ARHGAP24: variants seen among roughly 807,000 people sequenced by gnomAD.
ARHGAP24 encodes the protein Rho GTPase activating protein 24.
A neutral mutation model predicts 76.4 loss-of-function variants in ARHGAP24; 50 were observed. The ratio of observed to expected loss-of-function variants is 0.65; its 90% confidence interval spans 0.52 to 0.83. ARHGAP24 has a LOEUF of 0.83. Among genes scored for constraint, ARHGAP24 ranks in the 40% least tolerant of loss-of-function variants. The pLI is 0.00. For missense variants in ARHGAP24, 930 were observed against 914.2 expected, an observed-to-expected ratio of 1.02 and a Z score of -0.22; for synonymous variants, 345 against 323.3, an observed-to-expected ratio of 1.07 and a Z score of -0.72.
intron 2 of ARHGAP24, among the ~76,000 whole-genome samples, chr4:85,682,770 A>G (rs895472063): frequency 5.3e-5 from 8 of 152,320 alleles, no homozygotes; most frequent in Non-Finnish European, 8.8e-5. Context: ...TGAAAACTGC[A>G]TTGATTAGCT....
chr4:85,869,588 C>T (rs1351608852), intron 3 of ARHGAP24, among the ~76,000 whole-genome samples: 2 of 152,114 alleles, frequency 1.3e-5, no homozygotes, highest in Non-Finnish European at 2.9e-5. Flanking sequence ...GCTATTTTGA[C>T]ACCTACCTGA....
Position 86,002,529 on chromosome 4 carries a change from G to C in ARHGAP24, c.*1807G>C, listed in dbSNP as rs1741070545. ...CTCAGACTCATCCAGAAAGCTATAT[G>C]ATGCACTAGTAAAAAAAACAAAGAT... On this transcript the variant is annotated 3_prime_UTR_variant, in exon 10 of 10. Coordinates refer to ENST00000395184, the MANE Select transcript of ARHGAP24 (RefSeq NM_001025616.3). 7.1e-6 allele frequency: 1 copy of C among 140,972 alleles called. No individual in the cohort carries two copies. The highest frequency in any genetic ancestry group is 1.5e-5 in the Non-Finnish European group (1 of 66,056). The allele number at this position is 140,972 out of a possible 1,614,324, so 8.7% of individuals were successfully genotyped here. A position where few individuals can be genotyped will look rare whatever the true frequency, so the allele number is the denominator to read the frequency against.
intron 3 of ARHGAP24, among the ~76,000 whole-genome samples, chr4:85,784,093 A>G (rs1325068643): frequency 6.6e-6 from 1 of 152,158 alleles, no homozygotes. Flanking sequence ...TATTTCTACC[A>G]CAATATTGAA....
At chr4:85,626,016 C>G (rs1273174641) in intron 2 of ARHGAP24, among the ~76,000 whole-genome samples, 5 of 152,122 alleles carry the variant, frequency 3.3e-5, no homozygotes, top group Non-Finnish European at 5.9e-5. Context: ...GGTCTTGACT[C>G]TTTATCCAAT....
chr4:85,742,614 A>G (rs962947832), intron 3 of ARHGAP24, among the ~76,000 whole-genome samples: 1 of 152,250 alleles, frequency 6.6e-6, no homozygotes, highest in African/African-American at 2.4e-5. Flanking sequence ...TAATGCCATT[A>G]AAATCGGTTC....
At chr4:85,669,077 G>C (rs1722734088) in intron 2 of ARHGAP24, among the ~76,000 whole-genome samples, 2 of 152,044 alleles carry the variant, frequency 1.3e-5, no homozygotes, top group African/African-American at 4.8e-5. Flanking sequence ...GACAGAAATT[G>C]CTCTAGTATC....
intron 3 of ARHGAP24, among the ~76,000 whole-genome samples, chr4:85,883,158 G>T (rs1733356023): frequency 6.6e-6 from 1 of 152,134 alleles, no homozygotes; most frequent in Non-Finnish European, 1.5e-5. Context: ...AAGTAGGAAG[G>T]CTGGCAGAAG....
chr4:85,897,085 G>T (rs938089928), intron 3 of ARHGAP24, among the ~76,000 whole-genome samples: 1 of 152,040 alleles, frequency 6.6e-6, no homozygotes, highest in Non-Finnish European at 1.5e-5. Context: ...TTCTTTCTTT[G>T]TCAGCAGTTA....
chr4:85,698,351 G>C lies in ARHGAP24; in HGVS notation c.181-23534G>C, dbSNP rs147943161. Among the ~76,000 whole-genome samples the C allele has an allele frequency of 1.0e-3, 152 of 152,226 alleles. 1 individual carries two copies. The highest frequency in any genetic ancestry group is 1.5e-3 in the Non-Finnish European group (100 of 68,010). On this transcript the variant is annotated intron_variant, in intron 2 of 9. Transcript: ENST00000395184. Reference sequence around the variant, plus strand: ...GACTAAGTGTAAGTAAACTCTGCAAGTGTATCTATAGAATATAGAAAGTGG... The same window carrying C: ...GACTAAGTGTAAGTAAACTCTGCAACTGTATCTATAGAATATAGAAAGTGG...
intron 6 of ARHGAP24, among the ~76,000 whole-genome samples, chr4:85,972,859 G>T (rs1018533510): frequency 6.6e-6 from 1 of 152,016 alleles, no homozygotes; most frequent in African/African-American, 2.4e-5. Context: ...GTGTGTGCAC[G>T]ATTGGCTTCT....
intron 3 of ARHGAP24, among the ~76,000 whole-genome samples, chr4:85,763,038 C>T (rs1726790386): frequency 6.6e-6 from 1 of 152,082 alleles, no homozygotes; most frequent in African/African-American, 2.4e-5. Context: ...TTTAAAAGCA[C>T]CATTTTACCA....
At chr4:85,570,419 C>A in intron 1 of ARHGAP24, 103 bp from the exon 2 acceptor site, 2 of 395,166 alleles carry the variant, frequency 5.1e-6, no homozygotes, top group Non-Finnish European at 8.3e-6. Context: ...TCTTTCTTTC[C>A]TCTCTCTCTC....
At chr4:85,906,077 T>C (rs1734754450) in intron 3 of ARHGAP24, among the ~76,000 whole-genome samples, 1 of 152,188 alleles carries the variant, frequency 6.6e-6, no homozygotes, top group Non-Finnish European at 1.5e-5. Flanking sequence ...AGAAGCCTTA[T>C]AATAAAGAGA....
chr4:85,814,973 T>A (rs1729174228), intron 3 of ARHGAP24, among the ~76,000 whole-genome samples: 2 of 152,190 alleles, frequency 1.3e-5, no homozygotes, highest in South Asian at 4.1e-4. Context: ...TCTTGACTTC[T>A]TTGCACTTGC....
At chr4:85,927,029 C>T (rs1357137841) in intron 4 of ARHGAP24, among the ~76,000 whole-genome samples, 1 of 151,574 alleles carries the variant, frequency 6.6e-6, no homozygotes, top group Non-Finnish European at 1.5e-5. Flanking sequence ...ATGAGTCATT[C>T]AAAAGTACTA....
chr4:85,498,006 G>C (rs891698495), intron 1 of ARHGAP24, among the ~76,000 whole-genome samples: 1 of 152,162 alleles, frequency 6.6e-6, no homozygotes, highest in Admixed American at 6.5e-5. Context: ...GGTAATTATG[G>C]TTGAGTTCCT....
intron 3 of ARHGAP24, among the ~76,000 whole-genome samples, chr4:85,848,481 A>G (rs1731018060): frequency 6.6e-6 from 1 of 152,148 alleles, no homozygotes; most frequent in Non-Finnish European, 1.5e-5. Flanking sequence ...ATGGTTTCCA[A>G]CTTTGACCAC....
chr4:85,601,532 C>T (rs1293871920), intron 2 of ARHGAP24, among the ~76,000 whole-genome samples: 4 of 152,050 alleles, frequency 2.6e-5, no homozygotes, highest in South Asian at 2.1e-4. Flanking sequence ...CTGGCTTCTA[C>T]GCGCTAGATG....
chr4:85,521,250 C>T (rs936769623), intron 1 of ARHGAP24, among the ~76,000 whole-genome samples: 9 of 152,138 alleles, frequency 5.9e-5, no homozygotes, highest in Non-Finnish European at 7.4e-5. Flanking sequence ...ATTTTCTGGG[C>T]GGATGCACTG....
Sources: allele counts gnomAD v4.1 joint callset (sites outside exome capture counted in the v4.1 genomes callset), GRCh38; gene constraint gnomAD v4.1.1; transcripts MANE v1.5; gene names NCBI Gene and HGNC (gene_info 2026-07-23, HGNC 2026-07-21).